ZMAT4: variants seen among roughly 807,000 people sequenced by gnomAD.
The protein encoded by ZMAT4 is zinc finger matrin-type 4, also known as zinc finger matrin-type protein 4.
Under a neutral mutation model 28.7 loss-of-function variants are expected in ZMAT4, and 17 were observed. The ratio of observed to expected loss-of-function variants is 0.59; its 90% CI spans 0.41 to 0.89. ZMAT4 has a LOEUF of 0.89. Among genes scored for constraint, ZMAT4 ranks in the 40% least tolerant of loss-of-function variants. The probability of loss-of-function intolerance (pLI) is 0.00; values close to 1 mark genes in which losing one functional copy is unlikely to be tolerated. For synonymous variants in ZMAT4, 117 were observed against 109.2 expected, an observed-to-expected ratio of 1.07 and a Z score of -0.44; for missense variants, 240 against 283.8, an observed-to-expected ratio of 0.85 and a Z score of 1.11.
chr8:40,697,566 T>A lies in ZMAT4; in HGVS notation c.193-165A>T, dbSNP rs185739376. The stretch of plus-strand genomic sequence containing the variant: ...TTCTACTCTCTTCTTTTTTAAAAAA[T>A]TTTTTTATTATACTTTAAGTTCTGG... On this transcript the variant is annotated intron_variant, in intron 3 of 6. Transcript: ENST00000297737. 6.7e-3 allele frequency among the ~76,000 whole-genome samples: 1,013 copies of A among 152,112 alleles called. 27 individuals carry two copies. Among genetic ancestry groups the A allele is most frequent in the East Asian group, 0.032 (165 of 5,162 alleles).
At chr8:40,614,542 A>C (rs1383879330) in intron 5 of ZMAT4, among the ~76,000 whole-genome samples, 3 of 152,094 alleles carry the variant, frequency 2.0e-5, no homozygotes, top group African/African-American at 7.2e-5. Flanking sequence ...GTCTCCCATT[A>C]TTATTGTGTG....
intron 5 of ZMAT4, among the ~76,000 whole-genome samples, chr8:40,631,449 C>G (rs1806580308): frequency 6.6e-6 from 1 of 152,154 alleles, no homozygotes; most frequent in Admixed American, 6.5e-5. Flanking sequence ...TGAGCCACCG[C>G]ACCAGGCCAG....
chr8:40,554,405 C>T (rs1056869895), intron 6 of ZMAT4, among the ~76,000 whole-genome samples: 1 of 151,902 alleles, frequency 6.6e-6, no homozygotes, highest in African/African-American at 2.4e-5. Flanking sequence ...TAACTAAGTA[C>T]TTAATTAACT....
At chr8:40,730,192 C>T (rs574686681) in intron 3 of ZMAT4, among the ~76,000 whole-genome samples, 1 of 152,266 alleles carries the variant, frequency 6.6e-6, no homozygotes, top group South Asian at 2.1e-4. Flanking sequence ...TAAAATTTTT[C>T]CCAGTCCCTT....
intron 2 of ZMAT4, among the ~76,000 whole-genome samples, chr8:40,825,208 G>A (rs963669489): frequency 6.6e-6 from 1 of 152,102 alleles, no homozygotes; most frequent in Non-Finnish European, 1.5e-5. Flanking sequence ...TTATCTTTGG[G>A]GTCATAGGTG....
rs977364927 is a variant in ZMAT4 at position 40,769,770 on chromosome 8, G to C, written c.103-2040C>G. Among the ~76,000 whole-genome samples the C allele has an allele frequency of 2.0e-5, 3 of 149,966 alleles. No homozygotes were observed. The South Asian group carries it at 6.3e-4, about 32-fold the overall frequency. Reference sequence around the variant, plus strand: ...GGCAAAACTGGAAATCTCATCATGCGGCCTGGTTTGTGGCTGTTTTTTTTT... The same window carrying C: ...GGCAAAACTGGAAATCTCATCATGCCGCCTGGTTTGTGGCTGTTTTTTTTT... On this transcript the variant is annotated intron_variant, in intron 2 of 6. Coordinates refer to ENST00000297737, the MANE Select transcript of ZMAT4 (RefSeq NM_024645.3).
At chr8:40,635,782 T>TA (rs1419935648) in intron 5 of ZMAT4, among the ~76,000 whole-genome samples, 2 of 152,174 alleles carry the variant, frequency 1.3e-5, no homozygotes, top group Non-Finnish European at 2.9e-5. Flanking sequence ...AAAAGGCCCC[T>TA]AAAAAATATT....
chr8:40,890,261 C>T (rs1012246321), intron 1 of ZMAT4, among the ~76,000 whole-genome samples: 1 of 152,218 alleles, frequency 6.6e-6, no homozygotes, highest in Non-Finnish European at 1.5e-5. Flanking sequence ...AACACCTCCA[C>T]TGAAGCATTA....
intron 5 of ZMAT4, among the ~76,000 whole-genome samples, chr8:40,668,809 A>G (rs1378150459): frequency 1.3e-5 from 2 of 151,830 alleles, no homozygotes; most frequent in Non-Finnish European, 2.9e-5. Flanking sequence ...ATTTTTCTGT[A>G]TTGGCTCCAT....
chr8:40,876,839 T>G, intron 1 of ZMAT4, among the ~76,000 whole-genome samples: 1 of 152,192 alleles, frequency 6.6e-6, no homozygotes. Context: ...ACCCCTTCAT[T>G]GTTCACAGAT....
intron 2 of ZMAT4, among the ~76,000 whole-genome samples, chr8:40,804,928 C>T (rs969709290): frequency 4.6e-5 from 7 of 151,640 alleles, no homozygotes; most frequent in African/African-American, 1.7e-4. Context: ...ATCGTTTAAA[C>T]CAATATTTCT....
intron 4 of ZMAT4, among the ~76,000 whole-genome samples, chr8:40,694,881 C>A (rs1455813896): frequency 6.6e-6 from 1 of 152,146 alleles, no homozygotes; most frequent in African/African-American, 2.4e-5. Flanking sequence ...TGTGTAAAAA[C>A]TGACCATAAA....
chr8:40,776,007 C>A (rs561687584), intron 2 of ZMAT4, among the ~76,000 whole-genome samples: 2 of 152,206 alleles, frequency 1.3e-5, no homozygotes, highest in African/African-American at 4.8e-5. Flanking sequence ...CAGAAACCGA[C>A]CCTGCTGCCA....
chr8:40,597,727 A>C (rs541861862), intron 5 of ZMAT4, among the ~76,000 whole-genome samples: 1 of 152,214 alleles, frequency 6.6e-6, no homozygotes, highest in Non-Finnish European at 1.5e-5. Flanking sequence ...CTTGATACAT[A>C]TAGGTGCTCA....
At chr8:40,811,499 C>T (rs971308666) in intron 2 of ZMAT4, among the ~76,000 whole-genome samples, 4 of 152,118 alleles carry the variant, frequency 2.6e-5, no homozygotes, top group African/African-American at 9.7e-5. Flanking sequence ...CTGGGGTAAT[C>T]GGAAGCCAAC....
chr8:40,803,382 A>G (rs887225303), intron 2 of ZMAT4, among the ~76,000 whole-genome samples: 1 of 152,182 alleles, frequency 6.6e-6, no homozygotes, highest in Non-Finnish European at 1.5e-5. Context: ...ATATGCAAAG[A>G]ACTCTTAAAA....
intron 3 of ZMAT4, among the ~76,000 whole-genome samples, chr8:40,741,730 T>C (rs1455078333): frequency 6.6e-6 from 1 of 152,142 alleles, no homozygotes; most frequent in Non-Finnish European, 1.5e-5. Context: ...TTGCATTGAA[T>C]TGTGGCAATG....
At chr8:40,636,058 C>T (rs952063753) in intron 5 of ZMAT4, among the ~76,000 whole-genome samples, 2 of 152,212 alleles carry the variant, frequency 1.3e-5, no homozygotes, top group African/African-American at 4.8e-5. Context: ...TTGTGCAGAA[C>T]TGTGAACAAG....
At chr8:40,588,936 A>G (rs1804760576) in intron 5 of ZMAT4, among the ~76,000 whole-genome samples, 1 of 152,228 alleles carries the variant, frequency 6.6e-6, no homozygotes, top group Non-Finnish European at 1.5e-5. Flanking sequence ...AAATATTTAC[A>G]TATGTTCTGC....
Sources: gnomAD v4.1 joint callset for allele counts (sites outside exome capture counted in the v4.1 genomes callset) on GRCh38, gnomAD v4.1.1 for gene constraint, MANE v1.5 for transcripts, NCBI Gene and HGNC (gene_info 2026-07-23, HGNC 2026-07-21) for gene names.